Variants in VEPH1 observed in about 807,000 individuals in gnomAD.
VEPH1 encodes the protein ventricular zone-expressed PH domain-containing protein homolog 1.
VEPH1 carries 80 observed loss-of-function variants against 85.2 expected under a neutral mutation model. The ratio of observed to expected loss-of-function variants is 0.94; its 90% CI spans 0.78 to 1.13. The LOEUF is 1.13. Among genes scored for constraint, VEPH1 ranks in the 50% most tolerant of loss-of-function variants. The probability of loss-of-function intolerance (pLI) is 0.00; values close to 1 mark genes in which losing one functional copy is unlikely to be tolerated. For synonymous variants in VEPH1, 297 were observed against 348.0 expected (o/e 0.85, Z 1.63); for missense variants, 955 against 980.5 (o/e 0.97, Z 0.35).
At chr3:157,467,554 T>C (rs1024473311) in intron 3 of VEPH1, among the ~76,000 whole-genome samples, 22 of 152,226 alleles carry the variant, frequency 1.4e-4, no homozygotes, top group Admixed American at 5.2e-4. Flanking sequence ...TAAATATAAA[T>C]GCTATGACCC....
At chr3:157,354,280 A>T (rs1725192121) in intron 9 of VEPH1, among the ~76,000 whole-genome samples, 2 of 152,080 alleles carry the variant, frequency 1.3e-5, no homozygotes, top group African/African-American at 4.8e-5. Flanking sequence ...ATGAGTGGTC[A>T]TCTCAAAATT....
rs1189858566 is a variant in VEPH1 at position 157,363,780 on chromosome 3, G to C, written c.1338-19C>G. ...TTTTGACCTAGAGTTCAAACAAAGG[G>C]AAAGTTAAAGAAGTTGTGTTACCAT... On this transcript the variant is annotated intron_variant, in intron 8 of 13. Coordinates refer to ENST00000362010, the MANE Select transcript of VEPH1 (RefSeq NM_001167912.2). 1 of 1,600,538 alleles carries C rather than the reference G, an allele frequency of 6.2e-7. No individual in the cohort carries two copies. The highest frequency in any genetic ancestry group is 1.7e-4 in the Middle Eastern group (1 of 5,978).
chr3:157,275,582 A>C (rs80141042), intron 12 of VEPH1, among the ~76,000 whole-genome samples: 6,560 of 151,444 alleles, frequency 0.043, 168 homozygotes, highest in South Asian at 0.11. Flanking sequence ...TTCAAAAAAA[A>C]CCAACAAAAA....
At chr3:157,448,869 G>C (rs1318809195) in intron 4 of VEPH1, among the ~76,000 whole-genome samples, 1 of 152,154 alleles carries the variant, frequency 6.6e-6, no homozygotes, top group Non-Finnish European at 1.5e-5. Context: ...ACATGTTGTG[G>C]GAGGGACCCA....
intron 12 of VEPH1, among the ~76,000 whole-genome samples, chr3:157,269,071 G>A (rs779832463): frequency 1.3e-5 from 2 of 152,196 alleles, no homozygotes; most frequent in Non-Finnish European, 2.9e-5. Flanking sequence ...ATTTGAAATA[G>A]TTATGATATC....
At chr3:157,486,709 A>C (rs913085749) in intron 2 of VEPH1, among the ~76,000 whole-genome samples, 4 of 152,188 alleles carry the variant, frequency 2.6e-5, no homozygotes, top group African/African-American at 9.7e-5. Context: ...AAGCTCTTAG[A>C]ACAGTTTCTG....
At chr3:157,435,299 G>A in intron 4 of VEPH1, among the ~76,000 whole-genome samples, 1 of 152,156 alleles carries the variant, frequency 6.6e-6, no homozygotes, top group Admixed American at 6.5e-5. Context: ...CTCATTTATA[G>A]TGGTTTGCTT....
chr3:157,289,430 G>T (rs571204621), intron 11 of VEPH1, among the ~76,000 whole-genome samples: 1 of 152,298 alleles, frequency 6.6e-6, no homozygotes, highest in South Asian at 2.1e-4. Context: ...GAGGATTTAG[G>T]TGTTGTGCTA....
At chr3:157,456,135 G>GT (rs1378465627) in intron 4 of VEPH1, among the ~76,000 whole-genome samples, 1 of 151,930 alleles carries the variant, frequency 6.6e-6, no homozygotes. Context: ...GTAATGTTGA[G>GT]TTTTTTTCAT....
At chr3:157,435,275 G>A (rs1733471609) in intron 4 of VEPH1, among the ~76,000 whole-genome samples, 1 of 151,818 alleles carries the variant, frequency 6.6e-6, no homozygotes. Context: ...AATCCTTTTT[G>A]GTTTCTGCTG....
At chr3:157,468,744 T>C (rs774337252) in intron 3 of VEPH1, among the ~76,000 whole-genome samples, 1 of 152,154 alleles carries the variant, frequency 6.6e-6, no homozygotes, top group Non-Finnish European at 1.5e-5. Context: ...AAGTGGCTAC[T>C]AGAATTTTTT....
intron 12 of VEPH1, among the ~76,000 whole-genome samples, chr3:157,271,595 T>C (rs1425345522): frequency 6.6e-6 from 1 of 152,046 alleles, no homozygotes; most frequent in Non-Finnish European, 1.5e-5. Flanking sequence ...CTGTCGACCC[T>C]CGGTGTCCAA....
intron 11 of VEPH1, among the ~76,000 whole-genome samples, chr3:157,311,147 A>C (rs1720068620): frequency 6.6e-6 from 1 of 152,236 alleles, no homozygotes; most frequent in African/African-American, 2.4e-5. Flanking sequence ...CCCTGCCCTC[A>C]AGCAGTTTGC....
At chr3:157,275,429 A>G (rs1311723162) in intron 12 of VEPH1, among the ~76,000 whole-genome samples, 1 of 152,108 alleles carries the variant, frequency 6.6e-6, no homozygotes, top group Non-Finnish European at 1.5e-5. Flanking sequence ...ACAAAAAATT[A>G]GCCGGGTGTG....
intron 7 of VEPH1, among the ~76,000 whole-genome samples, chr3:157,378,242 G>GCTGC (rs1394785320): frequency 6.7e-6 from 1 of 148,150 alleles, no homozygotes; most frequent in Non-Finnish European, 1.5e-5. Context: ...TCTCCTGGAT[G>GCTGC]CTGCCATGTG....
At chr3:157,471,397 T>G (rs894661953) in intron 2 of VEPH1, among the ~76,000 whole-genome samples, 22 of 152,266 alleles carry the variant, frequency 1.4e-4, no homozygotes, top group African/African-American at 5.3e-4. Flanking sequence ...GAAGTGAAAA[T>G]TTCTGAGACA....
intron 12 of VEPH1, among the ~76,000 whole-genome samples, chr3:157,284,058 G>A (rs1716472502): frequency 6.6e-6 from 1 of 152,168 alleles, no homozygotes; most frequent in African/African-American, 2.4e-5. Context: ...TTCTCTCAGG[G>A]AGGAAACAGC....
At chr3:157,410,278 C>A (rs963561136) in intron 6 of VEPH1, among the ~76,000 whole-genome samples, 1 of 152,116 alleles carries the variant, frequency 6.6e-6, no homozygotes, top group Admixed American at 6.6e-5. Flanking sequence ...CTTATATGGT[C>A]CCATGTTTCA....
intron 9 of VEPH1, among the ~76,000 whole-genome samples, chr3:157,340,712 G>A (rs2090926): frequency 0.24 from 36,383 of 152,030 alleles, 4,836 homozygotes; most frequent in South Asian, 0.33. Flanking sequence ...ATCTGAGAAT[G>A]GTCAGACTGC....
Sources: allele counts gnomAD v4.1 joint callset (sites outside exome capture counted in the v4.1 genomes callset), GRCh38; gene constraint gnomAD v4.1.1; transcripts MANE v1.5; gene names NCBI Gene and HGNC (gene_info 2026-07-23, HGNC 2026-07-21).